Variants in RTTN observed in about 807,000 individuals in gnomAD.
RTTN encodes rotatin.
Under a neutral mutation model 269.2 loss-of-function variants are expected in RTTN, and 182 were observed. That is an observed-to-expected ratio of 0.68 (90% CI 0.60 to 0.76). RTTN has a LOEUF of 0.76. Ranked by LOEUF, RTTN falls within the 30% of genes least tolerant of loss-of-function variation. The pLI is 0.00. For missense variants in RTTN, 2,545 were observed against 2,608.6 expected (o/e 0.98, Z 0.53); for synonymous variants, 1,006 against 963.5 (o/e 1.04, Z -0.82).
chr18:70,173,223 G>A (rs139845368), intron 11 of RTTN, among the ~76,000 whole-genome samples: 12 of 152,162 alleles, frequency 7.9e-5, no homozygotes, highest in East Asian at 5.8e-4. Context: ...GGCCAGGCGC[G>A]GTGGCTCATG....
At chr18:70,192,103 T>C (rs1433075465) in intron 8 of RTTN, among the ~76,000 whole-genome samples, 1 of 152,176 alleles carries the variant, frequency 6.6e-6, no homozygotes, top group African/African-American at 2.4e-5. Flanking sequence ...CTATATATAA[T>C]ATCAATCCTA....
intron 25 of RTTN, among the ~76,000 whole-genome samples, chr18:70,122,220 G>A (rs1245069107): frequency 6.6e-6 from 1 of 151,608 alleles, no homozygotes; most frequent in African/African-American, 2.4e-5. Flanking sequence ...TTTAAGTTCA[G>A]AGCAAAAGGA....
Position 70,134,561 on chromosome 18 carries a change from C to CA in RTTN, c.2886-21dup. 1.3e-6 allele frequency: 2 copies of CA among 1,579,184 alleles called. No homozygotes were observed. Among genetic ancestry groups the CA allele is most frequent in the Non-Finnish European group, 1.7e-6 (2 of 1,160,094 alleles). Reference sequence around the variant, plus strand: ...ACAGACCTATTTCATAAAAGAAAAACAAAAACAAAGAAACAACTGAGTAGA... The same window carrying CA: ...ACAGACCTATTTCATAAAAGAAAAACAAAAAACAAAGAAACAACTGAGTAGA... On this transcript the variant is annotated intron_variant, in intron 22 of 48. Transcript: ENST00000640769.
At chr18:70,060,798 A>C in intron 35 of RTTN, among the ~76,000 whole-genome samples, 1 of 147,564 alleles carries the variant, frequency 6.8e-6, no homozygotes, top group Non-Finnish European at 1.5e-5. Context: ...TCTACTCTCT[A>C]TTTTCATGAG....
intron 5 of RTTN, among the ~76,000 whole-genome samples, chr18:70,199,122 G>A (rs570307595): frequency 6.6e-6 from 1 of 152,212 alleles, no homozygotes; most frequent in Admixed American, 6.5e-5. Context: ...AGGAGGCGGA[G>A]GTTGCATTGA....
At chr18:70,178,665 A>C (rs979040671) in intron 10 of RTTN, among the ~76,000 whole-genome samples, 1 of 152,120 alleles carries the variant, frequency 6.6e-6, no homozygotes, top group African/African-American at 2.4e-5. Context: ...ATTTATATAT[A>C]AATCCTTAAC....
In RTTN at chr18:70,041,240, TAAAATAAAAATA is replaced by T. The variant is rs1456055325; in HGVS notation, c.5541+6719_5541+6730del. Among the ~76,000 whole-genome samples, 8 of 151,240 alleles carry T rather than the reference TAAAATAAAAATA, an allele frequency of 5.3e-5. No individual in the cohort carries two copies. In the South Asian group the frequency reaches 1.0e-3, roughly 20 times the overall value. ...TAAATAAATAAATAAAAATAAAAAA[TAAAATAAAAATA>T]AAAAATTGCTCACTAGCAATTGGGA... On this transcript the variant is annotated intron_variant, in intron 40 of 48. Coordinates refer to ENST00000640769, the MANE Select transcript of RTTN (RefSeq NM_173630.4).
intron 11 of RTTN, among the ~76,000 whole-genome samples, chr18:70,174,726 AAG>A (rs935150182): frequency 6.6e-6 from 1 of 151,414 alleles, no homozygotes; most frequent in African/African-American, 2.4e-5. Context: ...AAAAAAAAAA[AAG>A]AGAATAAACA....
intron 40 of RTTN, among the ~76,000 whole-genome samples, chr18:70,039,929 A>G (rs2057290686): frequency 6.6e-6 from 1 of 152,236 alleles, no homozygotes; most frequent in South Asian, 2.1e-4. Flanking sequence ...ATAAGAAGGT[A>G]TTTGCAAGCC....
At chr18:70,024,980 C>T in intron 43 of RTTN, 132 bp from the exon 44 acceptor site, 1 of 1,011,832 alleles carries the variant, frequency 9.9e-7, no homozygotes, top group South Asian at 1.8e-5. Flanking sequence ...GCATCCTGCC[C>T]CAGCCCCATT....
intron 11 of RTTN, among the ~76,000 whole-genome samples, chr18:70,170,799 G>T (rs961863117): frequency 6.6e-6 from 1 of 152,194 alleles, no homozygotes; most frequent in Admixed American, 6.5e-5. Context: ...ATCCAGGCAG[G>T]ACAGAATGGT....
intron 46 of RTTN, among the ~76,000 whole-genome samples, chr18:70,013,500 T>C (rs917106370): frequency 2.0e-5 from 3 of 146,966 alleles, no homozygotes; most frequent in Non-Finnish European, 4.4e-5. Flanking sequence ...ACAAATGTTA[T>C]TGTGAAACAT....
chr18:70,121,311 G>A (rs564896946), intron 26 of RTTN, among the ~76,000 whole-genome samples: 46 of 152,248 alleles, frequency 3.0e-4, no homozygotes, highest in African/African-American at 1.1e-3. Context: ...GCAGCAGAAA[G>A]TTCACATGCA....
chr18:70,179,283 T>C (rs1232986498), intron 10 of RTTN, among the ~76,000 whole-genome samples: 1 of 152,168 alleles, frequency 6.6e-6, no homozygotes. Context: ...CCATACAGTA[T>C]TTCTCCATGA....
At chr18:70,191,266 C>T (rs1305265173) in intron 8 of RTTN, among the ~76,000 whole-genome samples, 1 of 151,972 alleles carries the variant, frequency 6.6e-6, no homozygotes, top group East Asian at 1.9e-4. Context: ...AGGCTGATAT[C>T]TCAAAACATG....
intron 24 of RTTN, 100 bp downstream of exon 24, chr18:70,128,258 C>A: frequency 1.1e-5 from 10 of 878,388 alleles, no homozygotes; most frequent in East Asian, 5.4e-5. Context: ...CAGATGATAC[C>A]AAGGGAAAAA....
At chr18:70,141,913 C>T (rs1394559406) in intron 19 of RTTN, among the ~76,000 whole-genome samples, 3 of 152,012 alleles carry the variant, frequency 2.0e-5, no homozygotes, top group Non-Finnish European at 2.9e-5. Flanking sequence ...ACTCAGTAAA[C>T]AGAGGAAGGA....
At chr18:70,086,545 A>T in intron 32 of RTTN, 68 bp downstream of exon 32, 1 of 1,176,186 alleles carries the variant, frequency 8.5e-7, no homozygotes, top group Non-Finnish European at 1.2e-6. Flanking sequence ...TATACTACTT[A>T]TACTGAAAAT....
At chr18:70,156,304 G>A (rs947477923) in intron 14 of RTTN, among the ~76,000 whole-genome samples, 6 of 152,098 alleles carry the variant, frequency 3.9e-5, no homozygotes, top group African/African-American at 1.4e-4. Flanking sequence ...CTATGGTCGA[G>A]ACTGTAGGGG....
Sources: allele counts gnomAD v4.1 joint callset (sites outside exome capture counted in the v4.1 genomes callset), GRCh38; gene constraint gnomAD v4.1.1; transcripts MANE v1.5; gene names NCBI Gene and HGNC (gene_info 2026-07-23, HGNC 2026-07-21).